Variants in PTGES2 observed in about 807,000 individuals in gnomAD.
PTGES2 encodes GATE-binding factor 1.
Under a neutral mutation model 44.5 loss-of-function variants are expected in PTGES2, and 35 were observed. That is an observed-to-expected ratio of 0.79 (90% CI 0.60 to 1.04). PTGES2 has a LOEUF of 1.04. Ranked by LOEUF, PTGES2 falls within the 50% of genes least tolerant of loss-of-function variation. PTGES2 has a pLI of 0.00. For synonymous variants in PTGES2, 221 were observed against 227.5 expected, an observed-to-expected ratio of 0.97 and a Z score of 0.26; for missense variants, 517 against 521.4, an observed-to-expected ratio of 0.99 and a Z score of 0.08.
chr9:128,124,298 G>C, intron 3 of PTGES2, 194 bp downstream of exon 3: 1 of 473,036 alleles, frequency 2.1e-6, no homozygotes, highest in Non-Finnish European at 3.9e-6. Context: ...TGGCCAGGCT[G>C]GTCTGGAACT....
Position 128,122,951 on chromosome 9 carries a change from G to C in PTGES2, c.870C>G (p.Ser290Arg). ...ACACTTGCCTGCTCTTGAGTCGCTT[G>C]CTGATGAGGTACATGGCCGCTGCAC... ...YMGAAAMYLI[S>R]KRLKSRHRLQ... The change falls in exon 5 of 7, where the codon AGC becomes AGG. Residue 290 changes from serine to arginine, a missense_variant. By Grantham distance (110) the Ser-to-Arg change is moderately radical. Coordinates refer to ENST00000338961, the MANE Select transcript of PTGES2 (RefSeq NM_025072.7). The C allele has an allele frequency of 2.5e-6, 4 of 1,614,088 alleles. No individual in the cohort carries two copies. The highest frequency in any genetic ancestry group is 3.4e-6 in the Non-Finnish European group (4 of 1,180,030).
At chr9:128,127,833 T>A, upstream of PTGES2, 2 of 1,018,076 alleles carry the variant, frequency 2.0e-6, no homozygotes, top group Non-Finnish European at 2.5e-6. Context: ...AGGGCGACGC[T>A]AAGGGAACCC....
chr9:128,121,535 T>A (rs920072715), intron 6 of PTGES2, among the ~76,000 whole-genome samples: 1 of 152,000 alleles, frequency 6.6e-6, no homozygotes, highest in African/African-American at 2.4e-5. Context: ...TGCCCTCCCC[T>A]CATCTCAGGT....
chr9:128,125,765 T>C (rs1397599253), intron 1 of PTGES2, among the ~76,000 whole-genome samples: 2 of 152,160 alleles, frequency 1.3e-5, no homozygotes, highest in Non-Finnish European at 2.9e-5. Context: ...CCCCAGGGTA[T>C]ACACCCCACT....
In PTGES2 at chr9:128,123,144, C is replaced by T. The variant is rs772803876; in HGVS notation, c.687-10G>A. Reference sequence around the variant, plus strand: ...CCACTTCATCTCCTCCCTGCGGGCACGGGAGGGACTTCCTAAGCCAGGACC... The same window carrying T: ...CCACTTCATCTCCTCCCTGCGGGCATGGGAGGGACTTCCTAAGCCAGGACC... On this transcript the variant is annotated splice_polypyrimidine_tract_variant and intron_variant, in intron 4 of 6. Coordinates refer to ENST00000338961, the MANE Select transcript of PTGES2 (RefSeq NM_025072.7). This position sits in a 1 kb window ranked among gnomAD's most constrained non-coding sequence, Gnocchi z 4.4. 2.4e-5 allele frequency: 38 copies of T among 1,606,412 alleles called. No individual in the cohort carries two copies. Among genetic ancestry groups the T allele is most frequent in the Middle Eastern group, 3.4e-4 (2 of 5,878 alleles).
chr9:128,122,690 G>A (rs1005705957), intron 5 of PTGES2: 64 of 628,562 alleles, frequency 1.0e-4, no homozygotes, highest in Non-Finnish European at 1.7e-4. Context: ...AAGCCACAGA[G>A]GAGGCGCCAG....
rs1445936367 is a variant in PTGES2 at position 128,123,847 on chromosome 9, G to A, written c.541C>T (p.Pro181Ser). 3 of 1,613,002 alleles carry A rather than the reference G, an allele frequency of 1.9e-6. No individual in the cohort carries two copies. Among genetic ancestry groups the A allele is most frequent in the Admixed American group, 1.7e-5 (1 of 59,998 alleles). ...ALKTYLVSGQ[P>S]LEEIITYYPA... ...TAGTAGGTGATGATCTCTTCCAGGG[G>A]CTGCCTTCGGAGAGAGCCACAATAT... is the stretch of plus-strand genomic sequence containing the variant. Residue 181 changes from proline to serine, a missense_variant, in exon 4 of 7, where the codon CCC becomes TCC. Coordinates refer to ENST00000338961, the MANE Select transcript of PTGES2 (RefSeq NM_025072.7). The surrounding 1 kb of genome is among the most constrained non-coding windows in gnomAD (Gnocchi z 4.4).
At chr9:128,124,834 C>T in intron 2 of PTGES2, 1 of 1,271,174 alleles carries the variant, frequency 7.9e-7, no homozygotes, top group Non-Finnish European at 1.0e-6. Context: ...ACATACTAGA[C>T]CCCAAGCACT....
In PTGES2 at chr9:128,124,341, C is replaced by T. The variant is rs893459756; in HGVS notation, c.536+151G>A. On this transcript the variant is annotated intron_variant, in intron 3 of 6. Transcript: ENST00000338961. ...TCAGGTGATCTGCCTGCCTCGGCCT[C>T]CCAAAGTGCTGGGATTACAGGTGCG... The T allele has an allele frequency of 1.8e-5, 11 of 597,102 alleles. No individual in the cohort carries two copies. The African/African-American group carries it at 2.1e-4, about 11-fold the overall frequency. The allele number at this position is 597,102 out of a possible 1,614,324, so 37.0% of individuals were successfully genotyped here. A position where few individuals can be genotyped will look rare whatever the true frequency, so the allele number is the denominator to read the frequency against.
Position 128,125,339 on chromosome 9 carries a change from G to A in PTGES2, c.382C>T (p.Gln128Ter). 6.2e-7 allele frequency: 1 copy of A among 1,614,166 alleles called. No individual in the cohort carries two copies. The highest frequency in any genetic ancestry group is 8.5e-7 in the Non-Finnish European group (1 of 1,180,002). The change falls in exon 2 of 7, where the codon CAG becomes TAG. Residue 128 changes from glutamine (Q) to a stop codon, truncating the protein, a stop_gained. Transcript: ENST00000338961. LOFTEE classifies it high-confidence loss of function. ...AFLDFHALPY[Q>*]VVEVNPVRRA... ...CGCACAGGGTTCACCTCCACCACCT[G>A]GTAGGGCAGGGCATGGAAGTCGAGG...
At position 128,127,626 on chromosome 9, in the gene PTGES2, G is replaced by T. The variant is rs1834681340; in HGVS notation, c.92C>A (p.Pro31His). The change falls in exon 1 of 7, where the codon CCC becomes CAC. Residue 31 changes from proline (P) to histidine (H), a missense_variant. Transcript: ENST00000338961. ...CGCGAAGCCAGCCCGGCTCTGCGTG[G>T]GTAGCAGCGGCTGGGGGCGGCCTCC... ...RLGGRPQPLLPTQSRAGFAGA... is the reference protein window; with the variant it reads ...RLGGRPQPLLHTQSRAGFAGA... 2 of 1,269,096 alleles carry T rather than the reference G, an allele frequency of 1.6e-6. No homozygotes were observed. Among genetic ancestry groups the T allele is most frequent in the East Asian group, 3.2e-5 (1 of 31,700 alleles). The allele number at this position is 1,269,096 out of a possible 1,614,324, so 78.6% of individuals were successfully genotyped here.
rs1324110076 is a variant in PTGES2, at chr9:128,123,556, C to T, written c.686+146G>A. The T allele has an allele frequency of 1.2e-6, 1 of 829,016 alleles. No homozygotes were observed. The highest frequency in any genetic ancestry group is 1.8e-6 in the Non-Finnish European group (1 of 544,380). The allele number at this position is 829,016 out of a possible 1,614,324, so 51.4% of individuals were successfully genotyped here. ...CCACCACGCCCGGCTGCAGGAAGGT[C>T]TCTACTGAAATCCGGCATGGCCCGG... is the stretch of plus-strand genomic sequence containing the variant. On this transcript the variant is annotated intron_variant, in intron 4 of 6. Coordinates refer to ENST00000338961, the MANE Select transcript of PTGES2 (RefSeq NM_025072.7). The surrounding 1 kb of genome is among the most constrained non-coding windows in gnomAD (Gnocchi z 4.4).
At chr9:128,128,168 C>CGG, upstream of PTGES2, 7 of 134,550 alleles carry the variant, frequency 5.2e-5, no homozygotes, top group South Asian at 2.8e-4. Flanking sequence ...CGACCCGGCA[C>CGG]CAGGTGTTGC....
chr9:128,127,381 A>T (rs1423870859), intron 1 of PTGES2, 58 bp downstream of exon 1: 3 of 1,305,920 alleles, frequency 2.3e-6, no homozygotes, highest in East Asian at 2.9e-5. Flanking sequence ...GCGGGTTCCC[A>T]GGAGTCCCGA....
At chr9:128,125,156 C>A in intron 2 of PTGES2, 88 bp downstream of exon 2, 2 of 1,240,110 alleles carry the variant, frequency 1.6e-6, no homozygotes, top group Non-Finnish European at 2.3e-6. Context: ...CAAGTTCCTT[C>A]CCAGGCTGCA....
At position 128,126,970 on chromosome 9, in the gene PTGES2, G is replaced by A. The variant is rs1001042743; in HGVS notation, c.279+469C>T. Among the ~76,000 whole-genome samples the A allele has an allele frequency of 2.6e-5, 4 of 152,158 alleles. No individual in the cohort carries two copies. The East Asian group carries it at 7.7e-4, about 29-fold the overall frequency. ...AAGGTGGGCGGATCACTTGAGGCCAGGAGTTCGAGACCAGCCTGGGCGACA... is the reference window on the plus strand; with the variant it reads ...AAGGTGGGCGGATCACTTGAGGCCAAGAGTTCGAGACCAGCCTGGGCGACA... On this transcript the variant is annotated intron_variant, in intron 1 of 6. Transcript: ENST00000338961.
At chr9:128,125,579 G>T in intron 1 of PTGES2, 138 bp from the exon 2 acceptor site, 2 of 789,226 alleles carry the variant, frequency 2.5e-6, no homozygotes, top group Non-Finnish European at 2.0e-6. Flanking sequence ...GAAGGGGGCG[G>T]TAGGGGAAAG....
chr9:128,127,769 A>G (rs7034404), upstream of PTGES2: 5,325 of 1,239,244 alleles, frequency 4.3e-3, 189 homozygotes, highest in African/African-American at 0.073. Context: ...ACGCCGAGGC[A>G]CGCGCGGCGT....
chr9:128,127,492 C>A lies in PTGES2; in HGVS notation c.226G>T (p.Ala76Ser), dbSNP rs2130859179. Residue 76 changes from alanine (A) to serine (S), a missense_variant, in exon 1 of 7, where the codon GCG (alanine) becomes TCG (serine). By Grantham distance (99) the Ala-to-Ser change is moderately conservative. Coordinates refer to ENST00000338961, the MANE Select transcript of PTGES2 (RefSeq NM_025072.7). ...TCCTGGGCGCGCAGGTGCCACCGCG[C>A]CGTGTGGTACAGCCCCAGGGCTCCC... ...LGGALGLYHT[A>S]RWHLRAQDLH... is the part of the protein sequence containing the mutation. 1.4e-6 allele frequency: 2 copies of A among 1,398,334 alleles called. No homozygotes were observed. The highest frequency in any genetic ancestry group is 1.9e-6 in the Non-Finnish European group (2 of 1,072,094). The allele number at this position is 1,398,334 out of a possible 1,614,324, so 86.6% of individuals were successfully genotyped here.
Sources: gnomAD v4.1 joint callset for allele counts (sites outside exome capture counted in the v4.1 genomes callset) on GRCh38, gnomAD v4.1.1 for gene constraint, Gnocchi (gnomAD v3.1) non-coding constraint, MANE v1.5 for transcripts, NCBI Gene and HGNC (gene_info 2026-07-23, HGNC 2026-07-21) for gene names.